Variants in GLIS3 observed in about 807,000 individuals in gnomAD.
The protein encoded by GLIS3 is zinc finger protein GLIS3.
In GLIS3, 53 loss-of-function variants were observed where a neutral mutation model predicts 78.6. That is an observed-to-expected ratio of 0.67 (90% CI 0.54 to 0.85). The LOEUF is 0.85. GLIS3 is among the 40% of genes least tolerant of loss of function. The pLI is 0.00. For synonymous variants in GLIS3, 684 were observed against 509.9 expected (o/e 1.34, Z -4.60); for missense variants, 1,703 against 1,231.1 (o/e 1.38, Z -5.74).
chr9:3,870,367 T>C (rs914682338), intron 8 of GLIS3, among the ~76,000 whole-genome samples: 2 of 151,758 alleles, frequency 1.3e-5, no homozygotes, highest in African/African-American at 2.4e-5. Context: ...AAAGAGAAAA[T>C]TAAGATGAAA....
the GLIS3 span, among the ~76,000 whole-genome samples, chr9:4,487,772 C>T: frequency 2.6e-5 from 4 of 151,982 alleles, no homozygotes; most frequent in Non-Finnish European, 1.5e-5. Context: ...CCTGCAACCT[C>T]GAACTCCCGG....
the GLIS3 span, among the ~76,000 whole-genome samples, chr9:4,431,643 G>C: frequency 6.6e-6 from 1 of 152,080 alleles, no homozygotes; most frequent in African/African-American, 2.4e-5. Flanking sequence ...TCAGGAGTTC[G>C]AGACCAGCCT....
rs756122740 is a variant in GLIS3 at position 4,118,591 on chromosome 9, G to A, written c.887C>T (p.Ala296Val). Reference sequence around the variant, plus strand: ...GGACAGCGCTCTCTTCTTGGAGCGGGCCGAGTGGGACCTGGTGGATGAGTG... The same window carrying A: ...GGACAGCGCTCTCTTCTTGGAGCGGACCGAGTGGGACCTGGTGGATGAGTG... The part of the protein sequence containing the change: ...PRHSSTRSHS[A>V]RSKKRALSLS... Residue 296 changes from alanine to valine, a missense_variant, in exon 4 of 11, where the codon GCC becomes GTC. By Grantham distance (64) the Ala-to-Val change is moderately conservative. Coordinates refer to ENST00000381971, the MANE Select transcript of GLIS3 (RefSeq NM_001042413.2). This position sits in a 1 kb window ranked among gnomAD's most constrained non-coding sequence, Gnocchi z 4.7. 1 of 1,614,122 alleles carries A rather than the reference G, an allele frequency of 6.2e-7. No individual in the cohort carries two copies. The highest frequency in any genetic ancestry group is 1.3e-5 in the African/African-American group (1 of 74,946).
At chr9:4,461,942 C>T in the GLIS3 span, among the ~76,000 whole-genome samples, 1 of 152,108 alleles carries the variant, frequency 6.6e-6, no homozygotes, top group South Asian at 2.1e-4. Context: ...GATTGTTTTA[C>T]ATATTATGTT....
intron 7 of GLIS3, among the ~76,000 whole-genome samples, chr9:3,892,102 G>A (rs76452975): frequency 8.8e-4 from 134 of 152,222 alleles, no homozygotes; most frequent in African/African-American, 2.9e-3. Flanking sequence ...AAACGCCAGG[G>A]TAAGACTCAA....
At chr9:4,002,740 G>A (rs1247452060) in intron 4 of GLIS3, among the ~76,000 whole-genome samples, 3 of 152,174 alleles carry the variant, frequency 2.0e-5, no homozygotes, top group Non-Finnish European at 4.4e-5. Flanking sequence ...CTGGAAACAT[G>A]AGGCATACAT....
At chr9:4,033,662 T>C (rs1824049517) in intron 4 of GLIS3, among the ~76,000 whole-genome samples, 1 of 152,054 alleles carries the variant, frequency 6.6e-6, no homozygotes, top group African/African-American at 2.4e-5. Context: ...TCAAAATCTC[T>C]AGGTGATTCC....
At chr9:4,454,831 C>T in the GLIS3 span, among the ~76,000 whole-genome samples, 1 of 152,148 alleles carries the variant, frequency 6.6e-6, no homozygotes, top group East Asian at 1.9e-4. Context: ...TCTTTACTGG[C>T]ACCCTGAAGT....
At chr9:4,054,497 G>C in intron 4 of GLIS3, 1 of 985,370 alleles carries the variant, frequency 1.0e-6, no homozygotes, top group Non-Finnish European at 1.2e-6. Flanking sequence ...GGGTTCTGCA[G>C]GTACAGAAAT....
At chr9:4,384,059 G>C in the GLIS3 span, among the ~76,000 whole-genome samples, 4 of 152,352 alleles carry the variant, frequency 2.6e-5, no homozygotes, top group Non-Finnish European at 5.9e-5. Context: ...GCAGATGAGA[G>C]TAGTCTCTTT....
At chr9:4,236,910 A>G (rs1279976243) in intron 2 of GLIS3, among the ~76,000 whole-genome samples, 3 of 152,310 alleles carry the variant, frequency 2.0e-5, no homozygotes, top group South Asian at 2.1e-4. Flanking sequence ...ACAATTCATT[A>G]AAAATATTTT....
chr9:4,008,297 C>A (rs1821720154), intron 4 of GLIS3, among the ~76,000 whole-genome samples: 1 of 152,102 alleles, frequency 6.6e-6, no homozygotes, highest in Non-Finnish European at 1.5e-5. Flanking sequence ...ACCGCTTGGC[C>A]ATGACAAGTC....
chr9:3,862,675 T>C (rs1015119079), intron 8 of GLIS3, among the ~76,000 whole-genome samples: 17 of 152,266 alleles, frequency 1.1e-4, no homozygotes, highest in African/African-American at 3.9e-4. Flanking sequence ...GGGTTAACAC[T>C]TTGAAAAGAA....
intron 4 of GLIS3, among the ~76,000 whole-genome samples, chr9:3,965,193 C>CTTTT (rs34951383): frequency 3.2e-4 from 32 of 100,162 alleles, no homozygotes; most frequent in African/African-American, 1.0e-3. Context: ...CTTTTCTTTT[C>CTTTT]TTTTTTTTTT....
intron 2 of GLIS3, among the ~76,000 whole-genome samples, chr9:4,247,416 G>T (rs192754058): frequency 2.8e-4 from 42 of 152,218 alleles, no homozygotes; most frequent in African/African-American, 9.4e-4. Context: ...ATAATATAAA[G>T]TATGCAAAAA....
chr9:4,315,754 A>T (rs1471461224), intron 2 of GLIS3, among the ~76,000 whole-genome samples: 2 of 152,146 alleles, frequency 1.3e-5, no homozygotes, highest in Non-Finnish European at 2.9e-5. Context: ...CCCAAGAGGG[A>T]GGTTCCTGGA....
At chr9:4,188,165 C>T (rs1021588532) in intron 2 of GLIS3, among the ~76,000 whole-genome samples, 5 of 150,898 alleles carry the variant, frequency 3.3e-5, no homozygotes, top group African/African-American at 4.9e-5. Flanking sequence ...TTTTGAGATA[C>T]ATCCCATCAA....
intron 9 of GLIS3, among the ~76,000 whole-genome samples, chr9:3,843,250 C>A (rs1303314483): frequency 6.6e-6 from 1 of 152,188 alleles, no homozygotes. Flanking sequence ...ACACAAATTT[C>A]CAGCACTCTA....
chr9:3,942,197 C>T (rs1815976029), intron 4 of GLIS3, among the ~76,000 whole-genome samples: 1 of 152,164 alleles, frequency 6.6e-6, no homozygotes, highest in Non-Finnish European at 1.5e-5. Context: ...TAAACCCAAA[C>T]AGAAAGGAGT....
Sources: allele counts gnomAD v4.1 joint callset (sites outside exome capture counted in the v4.1 genomes callset), GRCh38; gene constraint gnomAD v4.1.1; non-coding constraint Gnocchi (gnomAD v3.1); transcripts MANE v1.5; gene names NCBI Gene and HGNC (gene_info 2026-07-23, HGNC 2026-07-21).